Variants in BCO1 observed in about 807,000 individuals in gnomAD.
BCO1 encodes beta-carotene oxygenase 1.
Under a neutral mutation model 56.3 loss-of-function variants are expected in BCO1, and 54 were observed. The observed-to-expected ratio is 0.96, with a 90% confidence interval of 0.77 to 1.20. BCO1 has a LOEUF of 1.20. Among genes scored for constraint, BCO1 ranks in the 50% most tolerant of loss-of-function variants. BCO1 has a pLI of 0.00. For missense variants in BCO1, 801 were observed against 690.9 expected (o/e 1.16, Z -1.79); for synonymous variants, 318 against 266.1 (o/e 1.20, Z -1.90).
intron 2 of BCO1, among the ~76,000 whole-genome samples, chr16:81,249,076 C>T (rs1240462164): frequency 6.7e-6 from 1 of 148,930 alleles, no homozygotes; most frequent in African/African-American, 2.5e-5. Context: ...CCAGCTCCTC[C>T]ATGGTCTCTT....
At chr16:81,243,341 G>A (rs780300857) in intron 1 of BCO1, among the ~76,000 whole-genome samples, 3 of 152,120 alleles carry the variant, frequency 2.0e-5, no homozygotes, top group Non-Finnish European at 2.9e-5. Context: ...GTGTGATCCT[G>A]TTGACCTTTG....
At chr16:81,272,954 T>G (rs968875054) in intron 7 of BCO1, among the ~76,000 whole-genome samples, 2 of 151,972 alleles carry the variant, frequency 1.3e-5, no homozygotes. Context: ...CCCCAGTCTG[T>G]CTCTAAACCC....
chr16:81,276,144 C>T (rs952958166), intron 7 of BCO1, among the ~76,000 whole-genome samples: 10 of 152,234 alleles, frequency 6.6e-5, no homozygotes, highest in African/African-American at 2.4e-4. Flanking sequence ...AAGAGAAGCA[C>T]CATTCATGGA....
chr16:81,290,343 T>C lies in BCO1; in HGVS notation c.1415-5T>C, dbSNP rs1192938074. On this transcript the variant is annotated splice_region_variant and splice_polypyrimidine_tract_variant and intron_variant, in intron 10 of 10. Coordinates refer to ENST00000258168, the MANE Select transcript of BCO1 (RefSeq NM_017429.3). ...ACGAAGTGTTTTTTTTCTGTTTCCCTAAAGGAGTAATCTTATCAGCCATTG... is the reference window on the plus strand; with the variant it reads ...ACGAAGTGTTTTTTTTCTGTTTCCCCAAAGGAGTAATCTTATCAGCCATTG... The C allele has an allele frequency of 6.2e-7, 1 of 1,611,406 alleles. No homozygotes were observed. The highest frequency in any genetic ancestry group is 1.3e-5 in the African/African-American group (1 of 74,972).
At chr16:81,273,639 C>T (rs1346663315) in intron 7 of BCO1, among the ~76,000 whole-genome samples, 1 of 146,300 alleles carries the variant, frequency 6.8e-6, no homozygotes, top group Non-Finnish European at 1.5e-5. Flanking sequence ...TTTAAAAATC[C>T]TTTTTTTTTT....
chr16:81,270,136 C>T (rs756820085), intron 6 of BCO1, 23 bp from the exon 7 acceptor site: 2 of 1,613,892 alleles, frequency 1.2e-6, no homozygotes, highest in Non-Finnish European at 1.7e-6. Context: ...TGAGCTGAGC[C>T]CTTGATATGT....
intron 7 of BCO1, among the ~76,000 whole-genome samples, chr16:81,273,498 G>A (rs1042287460): frequency 3.9e-5 from 6 of 152,098 alleles, no homozygotes; most frequent in Non-Finnish European, 8.8e-5. Context: ...AGGGGAGCTG[G>A]CGTTTGAACT....
At chr16:81,288,053 G>A (rs973849296) in intron 10 of BCO1, among the ~76,000 whole-genome samples, 2 of 152,102 alleles carry the variant, frequency 1.3e-5, no homozygotes, top group South Asian at 4.1e-4. Flanking sequence ...TGTGGCCCAA[G>A]GCCCCCAGGT....
At position 81,290,626 on chromosome 16, in the gene BCO1, A is replaced by G. The variant is rs1306233220; in HGVS notation, c.*49A>G. 1.6e-5 allele frequency: 23 copies of G among 1,449,218 alleles called. No individual in the cohort carries two copies. The highest frequency in any genetic ancestry group is 2.1e-5 in the Non-Finnish European group (22 of 1,041,244). 89.8% of individuals were successfully genotyped at this position (1,449,218 alleles called of 1,614,324 possible). ...AGGGGAGCTCGGCTGTCAGAACTCC[A>G]TGGATATGTTTCTTTGGATGGAGGG... On this transcript the variant is annotated 3_prime_UTR_variant, in exon 11 of 11. Transcript: ENST00000258168.
intron 7 of BCO1, among the ~76,000 whole-genome samples, chr16:81,279,647 A>G (rs191708740): frequency 6.1e-4 from 93 of 152,298 alleles, no homozygotes; most frequent in African/African-American, 2.1e-3. Flanking sequence ...AGAGAGGCCA[A>G]CTGACTTGCT....
chr16:81,284,067 C>T (rs1908029238), intron 8 of BCO1, among the ~76,000 whole-genome samples: 1 of 151,400 alleles, frequency 6.6e-6, no homozygotes, highest in African/African-American at 2.4e-5. Flanking sequence ...GTGGCACGCA[C>T]CTGTAGTCCT....
intron 1 of BCO1, among the ~76,000 whole-genome samples, chr16:81,240,692 G>C (rs2151922825): frequency 6.6e-6 from 1 of 151,992 alleles, no homozygotes. Flanking sequence ...GCAAGAGTGA[G>C]ACCCTGTCTC....
At position 81,246,862 on chromosome 16, in the gene BCO1, AAAAAAAG is replaced by A. The variant is rs1376813153; in HGVS notation, c.193+1262_193+1268del. Among the ~76,000 whole-genome samples the A allele has an allele frequency of 4.0e-5, 6 of 151,146 alleles. No individual in the cohort carries two copies. The East Asian group carries it at 9.7e-4, about 24-fold the overall frequency. On this transcript the variant is annotated intron_variant, in intron 2 of 10. Transcript: ENST00000258168. ...CCAGACTTTGTCTCAAAAAAAAAAA[AAAAAAAG>A]AAGAGTACAGAGCTGGAAAGAGCAA...
At chr16:81,288,647 C>T (rs1164871214) in intron 10 of BCO1, among the ~76,000 whole-genome samples, 2 of 152,182 alleles carry the variant, frequency 1.3e-5, no homozygotes, top group Non-Finnish European at 2.9e-5. Flanking sequence ...TTGTGGCCCA[C>T]CTCTATTTTC....
chr16:81,269,962 A>C (rs2151941746), intron 6 of BCO1, among the ~76,000 whole-genome samples, 197 bp from the exon 7 acceptor site: 1 of 152,312 alleles, frequency 6.6e-6, no homozygotes, highest in South Asian at 2.1e-4. Context: ...AGATATACTT[A>C]TGGAAGTACA....
chr16:81,285,327 C>G (rs182548569), intron 8 of BCO1, among the ~76,000 whole-genome samples: 18 of 152,174 alleles, frequency 1.2e-4, no homozygotes, highest in Non-Finnish European at 2.2e-4. Flanking sequence ...GTACCTTGCT[C>G]CTGGACTCTC....
chr16:81,250,889 A>G (rs1905754159), intron 2 of BCO1, among the ~76,000 whole-genome samples: 1 of 152,052 alleles, frequency 6.6e-6, no homozygotes, highest in South Asian at 2.1e-4. Context: ...CCATTCAGTA[A>G]AGCTTTGAAT....
intron 9 of BCO1, among the ~76,000 whole-genome samples, chr16:81,286,807 T>C (rs1387806243): frequency 1.3e-5 from 2 of 149,318 alleles, no homozygotes; most frequent in Non-Finnish European, 3.0e-5. Context: ...CCGGGCGCGG[T>C]GGCTCACACC....
intron 10 of BCO1, among the ~76,000 whole-genome samples, chr16:81,288,741 G>A (rs1237787713): frequency 6.6e-6 from 1 of 152,214 alleles, no homozygotes; most frequent in Non-Finnish European, 1.5e-5. Context: ...GCCCTGAGGA[G>A]GCTAAGGAGG....
Sources: allele counts gnomAD v4.1 joint callset (sites outside exome capture counted in the v4.1 genomes callset), GRCh38; gene constraint gnomAD v4.1.1; transcripts MANE v1.5; gene names NCBI Gene and HGNC (gene_info 2026-07-23, HGNC 2026-07-21).